The following KCNN2 variants were observed in gnomAD, a reference collection of about 807,000 sequenced individuals.
The protein encoded by KCNN2 is potassium calcium-activated channel subfamily N member 2.
KCNN2 carries 24 observed loss-of-function variants against 55.5 expected under a neutral mutation model. That is an observed-to-expected ratio of 0.43 (90% CI 0.31 to 0.61). KCNN2 has a LOEUF of 0.61. Among genes scored for constraint, KCNN2 ranks in the 20% least tolerant of loss-of-function variants. The probability of loss-of-function intolerance (pLI) is 0.08; values close to 1 mark genes in which losing one functional copy is unlikely to be tolerated. For synonymous variants in KCNN2, 431 were observed against 336.1 expected, an observed-to-expected ratio of 1.28 and a Z score of -3.09; for missense variants, 754 against 853.6, an observed-to-expected ratio of 0.88 and a Z score of 1.45.
intron 2 of KCNN2, among the ~76,000 whole-genome samples, chr5:114,328,025 G>A (rs1038157033): frequency 1.3e-5 from 2 of 152,164 alleles, no homozygotes; most frequent in African/African-American, 4.8e-5. Context: ...CGATCCTGAG[G>A]GCTTTGGGCA....
At chr5:114,110,905 A>G (rs1410677754) in intron 1 of KCNN2, among the ~76,000 whole-genome samples, 1 of 152,096 alleles carries the variant, frequency 6.6e-6, no homozygotes, top group Non-Finnish European at 1.5e-5. Context: ...GAATAAAATT[A>G]GAATTTAAAA....
intron 2 of KCNN2, among the ~76,000 whole-genome samples, chr5:114,338,046 A>T (rs1043308861): frequency 3.9e-5 from 6 of 152,212 alleles, no homozygotes; most frequent in African/African-American, 1.4e-4. Flanking sequence ...GAGCAAAATC[A>T]ACCAGCTATG....
intron 1 of KCNN2, among the ~76,000 whole-genome samples, chr5:114,117,369 C>A (rs915006074): frequency 6.6e-6 from 1 of 152,162 alleles, no homozygotes; most frequent in East Asian, 1.9e-4. Context: ...CCTCTGAGTG[C>A]CTCACCCTTC....
intron 1 of KCNN2, among the ~76,000 whole-genome samples, chr5:114,137,236 C>A (rs1437897916): frequency 6.6e-6 from 1 of 152,092 alleles, no homozygotes; most frequent in Non-Finnish European, 1.5e-5. Context: ...AAAATGTCTT[C>A]AATGTGGGTT....
At chr5:114,081,526 A>G (rs1484945946) in intron 1 of KCNN2, among the ~76,000 whole-genome samples, 1 of 152,238 alleles carries the variant, frequency 6.6e-6, no homozygotes, top group Non-Finnish European at 1.5e-5. Flanking sequence ...GGACAATTCA[A>G]TGGAGAAAGT....
At chr5:114,236,627 T>G (rs1754498448) in intron 2 of KCNN2, among the ~76,000 whole-genome samples, 1 of 152,212 alleles carries the variant, frequency 6.6e-6, no homozygotes, top group African/African-American at 2.4e-5. Flanking sequence ...GCCCTTCATC[T>G]GATTTTGCTG....
At chr5:114,100,237 CA>C (rs1272289724) in intron 1 of KCNN2, among the ~76,000 whole-genome samples, 1 of 151,922 alleles carries the variant, frequency 6.6e-6, no homozygotes, top group Non-Finnish European at 1.5e-5. Flanking sequence ...CCAAAATATA[CA>C]GCAAATTTAT....
chr5:114,118,144 C>A (rs988921958), intron 1 of KCNN2, among the ~76,000 whole-genome samples: 31 of 152,294 alleles, frequency 2.0e-4, no homozygotes, highest in African/African-American at 7.5e-4. Context: ...ACCTTTACAG[C>A]ATTTCCCTAG....
intron 2 of KCNN2, among the ~76,000 whole-genome samples, chr5:114,309,159 T>TA (rs1218520900): frequency 6.6e-6 from 1 of 152,228 alleles, no homozygotes; most frequent in Non-Finnish European, 1.5e-5. Flanking sequence ...TTTATTCACT[T>TA]ATGTCTATTT....
At chr5:114,494,935 G>T (rs1748041645) in intron 7 of KCNN2, among the ~76,000 whole-genome samples, 1 of 152,138 alleles carries the variant, frequency 6.6e-6, no homozygotes, top group South Asian at 2.1e-4. Context: ...AAATGCAGTA[G>T]GAGGGACGGC....
intron 2 of KCNN2, among the ~76,000 whole-genome samples, chr5:114,293,539 C>T (rs62382903): frequency 0.12 from 17,847 of 152,142 alleles, 1,169 homozygotes; most frequent in Middle Eastern, 0.21. Flanking sequence ...CCAGGGATGA[C>T]GCCCACTTGA....
chr5:114,284,994 G>C (rs746290119), intron 2 of KCNN2, among the ~76,000 whole-genome samples: 2 of 151,762 alleles, frequency 1.3e-5, no homozygotes, highest in Admixed American at 1.3e-4. Flanking sequence ...GGCAGAGTAA[G>C]TTGGCAGGCT....
intron 2 of KCNN2, among the ~76,000 whole-genome samples, chr5:114,278,240 T>C (rs536888533): frequency 2.5e-4 from 38 of 152,236 alleles, no homozygotes; most frequent in African/African-American, 8.4e-4. Context: ...GAGGGACACC[T>C]GCCTGTATGA....
intron 4 of KCNN2, 83 bp from the exon 5 acceptor site, chr5:114,472,971 T>C (rs1285132380): frequency 1.3e-6 from 1 of 745,348 alleles, no homozygotes; most frequent in Non-Finnish European, 2.1e-6. Flanking sequence ...AACTTTTGCA[T>C]TTGATGCAAA....
chr5:114,225,610 A>G (rs962376324), intron 2 of KCNN2, among the ~76,000 whole-genome samples: 1 of 152,188 alleles, frequency 6.6e-6, no homozygotes, highest in Non-Finnish European at 1.5e-5. Context: ...TATCAAATGA[A>G]TGAATGAGTC....
intron 1 of KCNN2, among the ~76,000 whole-genome samples, chr5:114,058,027 A>G (rs1487639885): frequency 1.3e-5 from 2 of 152,232 alleles, no homozygotes; most frequent in African/African-American, 2.4e-5. Flanking sequence ...AACATGTGTG[A>G]ACCAACAGTT....
intron 5 of KCNN2, 154 bp downstream of exon 5, chr5:114,473,318 A>C (rs565589160): frequency 3.1e-4 from 198 of 632,278 alleles, no homozygotes; most frequent in Admixed American, 7.6e-4. Flanking sequence ...ACATTTTGAG[A>C]ATAGACTATT....
chr5:114,309,347 C>A (rs146286646), intron 2 of KCNN2, among the ~76,000 whole-genome samples: 1 of 152,134 alleles, frequency 6.6e-6, no homozygotes, highest in Non-Finnish European at 1.5e-5. Context: ...TTATTGCTCA[C>A]GGGAAGCAGG....
intron 3 of KCNN2, among the ~76,000 whole-genome samples, chr5:114,421,472 G>A (rs942656045): frequency 7.3e-5 from 11 of 151,518 alleles, no homozygotes; most frequent in African/African-American, 2.7e-4. Context: ...TGTATTTTTA[G>A]TAGAGATGCA....
Sources: allele counts gnomAD v4.1 joint callset (sites outside exome capture counted in the v4.1 genomes callset), GRCh38; gene constraint gnomAD v4.1.1; transcripts MANE v1.5; gene names NCBI Gene and HGNC (gene_info 2026-07-23, HGNC 2026-07-21).